The following PCOLCE2 variants were observed in gnomAD, a reference collection of about 807,000 sequenced individuals.
The protein encoded by PCOLCE2 is procollagen C-endopeptidase enhancer 2.
Under a neutral mutation model 47.0 loss-of-function variants are expected in PCOLCE2, and 42 were observed. The ratio of observed to expected loss-of-function variants is 0.89; its 90% CI spans 0.70 to 1.16. PCOLCE2 has a LOEUF of 1.16. Ranked by LOEUF, PCOLCE2 falls within the 50% of genes most tolerant of loss-of-function variation. PCOLCE2 has a pLI of 0.00. For synonymous variants in PCOLCE2, 169 were observed against 191.7 expected, an observed-to-expected ratio of 0.88 and a Z score of 0.98; for missense variants, 500 against 526.1, an observed-to-expected ratio of 0.95 and a Z score of 0.49.
At chr3:142,867,039 G>A (rs1481777022) in intron 2 of PCOLCE2, among the ~76,000 whole-genome samples, 2 of 152,206 alleles carry the variant, frequency 1.3e-5, no homozygotes, top group Non-Finnish European at 2.9e-5. Flanking sequence ...ATAATAAAAG[G>A]TTAGGGTGGG....
chr3:142,818,237 A>G lies in PCOLCE2; in HGVS notation c.*98T>C. On this transcript the variant is annotated 3_prime_UTR_variant, in exon 9 of 9. Transcript: ENST00000295992. ...GTCCCATCTTTCGGAATCCTCTTTC[A>G]GAATATGTAATTTTATAAGTATTTT... The G allele has an allele frequency of 8.5e-7, 1 of 1,182,348 alleles. No individual in the cohort carries two copies. Among genetic ancestry groups the G allele is most frequent in the South Asian group, 1.4e-5 (1 of 72,274 alleles). 73.2% of individuals were successfully genotyped at this position (1,182,348 alleles called of 1,614,324 possible).
At chr3:142,831,618 C>T (rs1273442544) in intron 5 of PCOLCE2, among the ~76,000 whole-genome samples, 1 of 152,070 alleles carries the variant, frequency 6.6e-6, no homozygotes, top group Non-Finnish European at 1.5e-5. Flanking sequence ...AAAAACACTC[C>T]CATTAAATAA....
At chr3:142,819,484 TTATAGAATCTTGAGGTGCAG>T (rs1317933840) in intron 8 of PCOLCE2, among the ~76,000 whole-genome samples, 1 of 152,158 alleles carries the variant, frequency 6.6e-6, no homozygotes, top group African/African-American at 2.4e-5. Context: ...TTATGAGACC[TTATAGAATCTTGAGGTGCAG>T]TATCTGCTGC....
At chr3:142,830,372 C>CCTGTAAAGATGTGCAT (rs1353068411) in intron 5 of PCOLCE2, among the ~76,000 whole-genome samples, 2 of 152,184 alleles carry the variant, frequency 1.3e-5, no homozygotes, top group African/African-American at 2.4e-5. Context: ...ATTCCCACGC[C>CCTGTAAAGATGTGCAT]CTGTAAAGAT....
At chr3:142,886,564 C>G (rs1205869632) in intron 2 of PCOLCE2, among the ~76,000 whole-genome samples, 1 of 152,158 alleles carries the variant, frequency 6.6e-6, no homozygotes, top group East Asian at 1.9e-4. Flanking sequence ...GCCGTCAAGG[C>G]ATGTAAGAGC....
At chr3:142,847,246 T>A (rs1937336982) in intron 3 of PCOLCE2, among the ~76,000 whole-genome samples, 1 of 152,212 alleles carries the variant, frequency 6.6e-6, no homozygotes, top group South Asian at 2.1e-4. Flanking sequence ...AGAGTTTAGC[T>A]GTCAGACAAA....
chr3:142,846,775 A>C (rs1937332901), intron 3 of PCOLCE2: 1 of 152,088 alleles, frequency 6.6e-6, no homozygotes, highest in Admixed American at 6.5e-5. Flanking sequence ...TTAAAATTTC[A>C]GATCCTGTTT....
chr3:142,836,851 G>A (rs1937209022), intron 5 of PCOLCE2, among the ~76,000 whole-genome samples: 2 of 152,154 alleles, frequency 1.3e-5, no homozygotes, highest in Admixed American at 6.5e-5. Context: ...GGGAAAAAAG[G>A]AGGAGGTCCA....
intron 6 of PCOLCE2, among the ~76,000 whole-genome samples, chr3:142,826,245 G>C (rs894161705): frequency 6.6e-6 from 1 of 152,122 alleles, no homozygotes; most frequent in South Asian, 2.1e-4. Flanking sequence ...CTGACCTCAT[G>C]ATCCACCCGC....
At position 142,818,228 on chromosome 3, in the gene PCOLCE2, T is replaced by C; in HGVS notation, c.*107A>G. 9.2e-7 allele frequency: 1 copy of C among 1,091,908 alleles called. No individual in the cohort carries two copies. Among genetic ancestry groups the C allele is most frequent in the East Asian group, 2.5e-5 (1 of 40,362 alleles). 67.6% of individuals were successfully genotyped at this position (1,091,908 alleles called of 1,614,324 possible). A position where few individuals can be genotyped will look rare whatever the true frequency, so the allele number is the denominator to read the frequency against. ...AGTCAACCAGTCCCATCTTTCGGAA[T>C]CCTCTTTCAGAATATGTAATTTTAT... On this transcript the variant is annotated 3_prime_UTR_variant, in exon 9 of 9. Transcript: ENST00000295992.
chr3:142,885,045 TA>T (rs1933693178), intron 2 of PCOLCE2, among the ~76,000 whole-genome samples: 1 of 152,186 alleles, frequency 6.6e-6, no homozygotes, highest in Non-Finnish European at 1.5e-5. Context: ...TACTATAATG[TA>T]AGGACACATC....
At chr3:142,873,228 T>A (rs1198311040) in intron 2 of PCOLCE2, among the ~76,000 whole-genome samples, 1 of 151,884 alleles carries the variant, frequency 6.6e-6, no homozygotes, top group Non-Finnish European at 1.5e-5. Flanking sequence ...ACCCCGTCTC[T>A]ACTAAAAATA....
At chr3:142,846,879 T>C (rs1937334004) in intron 3 of PCOLCE2, 1 of 152,256 alleles carries the variant, frequency 6.6e-6, no homozygotes, top group Non-Finnish European at 1.5e-5. Flanking sequence ...CATATTTCCC[T>C]TTATAAATCC....
intron 3 of PCOLCE2, among the ~76,000 whole-genome samples, chr3:142,847,423 C>T (rs1277406231): frequency 6.6e-6 from 1 of 152,222 alleles, no homozygotes; most frequent in Non-Finnish European, 1.5e-5. Context: ...TTATGGACTG[C>T]TCTTGGGTAA....
At chr3:142,848,155 T>C (rs993074652) in intron 3 of PCOLCE2, 62 bp downstream of exon 3, 1 of 1,538,146 alleles carries the variant, frequency 6.5e-7, no homozygotes. Flanking sequence ...TAAATAAACA[T>C]CAAGTGCCAA....
intron 2 of PCOLCE2, among the ~76,000 whole-genome samples, chr3:142,861,947 G>C (rs1256113843): frequency 1.3e-5 from 2 of 152,244 alleles, no homozygotes; most frequent in African/African-American, 4.8e-5. Context: ...CCTTGCTGCA[G>C]CTTTCATCGG....
intron 5 of PCOLCE2, among the ~76,000 whole-genome samples, chr3:142,833,102 A>G (rs1004208628): frequency 6.6e-6 from 1 of 152,188 alleles, no homozygotes; most frequent in Non-Finnish European, 1.5e-5. Flanking sequence ...TATCACACAC[A>G]TATGCATCAC....
chr3:142,847,040 G>A (rs1937335318), intron 3 of PCOLCE2, among the ~76,000 whole-genome samples: 1 of 152,178 alleles, frequency 6.6e-6, no homozygotes, highest in Admixed American at 6.5e-5. Context: ...TGGACATTAT[G>A]CATGATACAT....
intron 2 of PCOLCE2, among the ~76,000 whole-genome samples, chr3:142,850,552 GAA>G (rs1282044494): frequency 6.6e-6 from 1 of 152,172 alleles, no homozygotes; most frequent in Non-Finnish European, 1.5e-5. Context: ...GAAGCCAGGC[GAA>G]GAGAGTATGT....
Sources: allele counts gnomAD v4.1 joint callset (sites outside exome capture counted in the v4.1 genomes callset), GRCh38; gene constraint gnomAD v4.1.1; transcripts MANE v1.5; gene names NCBI Gene and HGNC (gene_info 2026-07-23, HGNC 2026-07-21).